The following S100A1 variants were observed in gnomAD, a reference collection of about 807,000 sequenced individuals.
S100A1 encodes S100 calcium binding protein A1.
Under a neutral mutation model 7.6 loss-of-function variants are expected in S100A1, and 3 were observed. The observed-to-expected ratio is 0.40, with a 90% confidence interval of 0.18 to 1.02. The LOEUF (loss-of-function observed/expected upper bound fraction) is 1.02. Ranked by LOEUF, S100A1 falls within the 50% of genes least tolerant of loss-of-function variation. The pLI is 0.35. For missense variants in S100A1, 126 were observed against 115.0 expected (o/e 1.10, Z -0.44); for synonymous variants, 49 against 49.0 (o/e 1.00, Z 0.00).
intron 1 of S100A1, chr1:153,628,763 C>T (rs2101623733): frequency 2.0e-6 from 1 of 510,570 alleles, no homozygotes; most frequent in Non-Finnish European, 3.3e-6. Context: ...AGCTTCCTGA[C>T]CGCCTGGCCC....
In S100A1 at chr1:153,631,944, C is replaced by T. The variant is rs115942380; in HGVS notation, c.*103C>T. ...CACTTATCCCTCTCCATAACCCCAC[C>T]CTTGCCCACCCCACCCCCACCCCCA... On this transcript the variant is annotated 3_prime_UTR_variant, in exon 3 of 3. Coordinates refer to ENST00000292169, the MANE Select transcript of S100A1 (RefSeq NM_006271.2). 640 of 1,359,452 alleles carry T rather than the reference C, an allele frequency of 4.7e-4. 4 individuals carry two copies. In the African/African-American group the frequency reaches 8.7e-3, roughly 18 times the overall value. The allele number at this position is 1,359,452 out of a possible 1,614,324, so 84.2% of individuals were successfully genotyped here.
chr1:153,630,640 C>T lies in S100A1; in HGVS notation c.119C>T (p.Thr40Met), dbSNP rs367888712. The change falls in exon 2 of 3, where the codon ACG becomes ATG. Residue 40 changes from threonine (T) to methionine (M), a missense_variant. Physicochemically the swap from Thr to Met is moderately conservative, Grantham distance 81. Coordinates refer to ENST00000292169, the MANE Select transcript of S100A1 (RefSeq NM_006271.2). ...AAGGAGCTGAAAGAGCTGCTGCAGA[C>T]GGAGCTCTCTGGCTTCCTGGATGTG... ...SKKELKELLQTELSGFLDAQK... is the reference protein window; with the variant it reads ...SKKELKELLQMELSGFLDAQK... 3.5e-5 allele frequency: 57 copies of T among 1,614,068 alleles called. No homozygotes were observed. Among genetic ancestry groups the T allele is most frequent in the African/African-American group, 1.3e-4 (10 of 74,954 alleles).
At position 153,631,735 on chromosome 1, in the gene S100A1, A is replaced by G. The variant is rs896317257; in HGVS notation, c.179A>G (p.Lys60Arg). ...GTGGATGCTGTGGACAAGGTGATGA[A>G]GGAGCTAGACGAGAATGGAGACGGG... ...KDVDAVDKVM[K>R]ELDENGDGEV... The change falls in exon 3 of 3, where the codon AAG becomes AGG. Residue 60 changes from lysine to arginine, a missense_variant. Transcript: ENST00000292169. 1 of 1,614,188 alleles carries G rather than the reference A, an allele frequency of 6.2e-7. No individual in the cohort carries two copies. The highest frequency in any genetic ancestry group is 1.1e-5 in the South Asian group (1 of 91,088).
chr1:153,631,376 AAAT>A, intron 2 of S100A1: 1 of 1,298,252 alleles, frequency 7.7e-7, no homozygotes, highest in Non-Finnish European at 1.1e-6. Context: ...TCTAGAATGG[AAAT>A]AATGAAACAT....
At chr1:153,631,138 G>A (rs1271405327) in intron 2 of S100A1, 5 of 318,132 alleles carry the variant, frequency 1.6e-5, no homozygotes, top group Non-Finnish European at 2.3e-5. Flanking sequence ...ATGGGAGAAA[G>A]AAGAATGTGG....
At chr1:153,628,869 TAAG>T (rs1667836840) in intron 1 of S100A1, 1 of 245,692 alleles carries the variant, frequency 4.1e-6, no homozygotes, top group Admixed American at 4.8e-5. Flanking sequence ...TCCTGTGGGG[TAAG>T]AAGAGAGCAG....
chr1:153,629,781 C>G (rs902359612), intron 1 of S100A1: 1 of 152,432 alleles, frequency 6.6e-6, no homozygotes, highest in African/African-American at 2.4e-5. Context: ...TCAGACATTC[C>G]TCTCTCCCCT....
rs1471826219 is a variant in S100A1, at chr1:153,630,630, C to T, written c.109C>T (p.Leu37=). Residue 37 remains leucine (L), a synonymous_variant, in exon 2 of 3, where the codon CTG becomes TTG. Coordinates refer to ENST00000292169, the MANE Select transcript of S100A1 (RefSeq NM_006271.2). ...YKLSKKELKE[L]LQTELSGFLD... is the part of the protein sequence containing the mutation. ...GCTGAGCAAGAAGGAGCTGAAAGAG[C>T]TGCTGCAGACGGAGCTCTCTGGCTT... The T allele has an allele frequency of 1.2e-6, 2 of 1,614,108 alleles. No individual in the cohort carries two copies. Among genetic ancestry groups the T allele is most frequent in the Admixed American group, 1.7e-5 (1 of 60,012 alleles).
Position 153,631,798 on chromosome 1 carries a change from C to T in S100A1, c.242C>T (p.Ala81Val), listed in dbSNP as rs753492129. The change falls in exon 3 of 3, where the codon GCT (alanine) becomes GTT (valine). Residue 81 changes from alanine to valine, a missense_variant. Transcript: ENST00000292169. ...CAGGAGTATGTGGTGCTTGTGGCTG[C>T]TCTCACAGTGGCCTGTAACAATTTC... ...DFQEYVVLVA[A>V]LTVACNNFFW... The T allele has an allele frequency of 5.6e-6, 9 of 1,614,190 alleles. No homozygotes were observed. The Admixed American group carries it at 1.5e-4, about 27-fold the overall frequency.
chr1:153,630,063 C>T (rs1361849365), intron 1 of S100A1: 1 of 187,122 alleles, frequency 5.3e-6, no homozygotes, highest in Non-Finnish European at 1.1e-5. Context: ...GTAGTGGACA[C>T]CCCAGCCCAC....
In S100A1 at chr1:153,631,833, A is replaced by G; in HGVS notation, c.277A>G (p.Asn93Asp). ...TVACNNFFWENS is the reference protein window; with the variant it reads ...TVACNNFFWEDS ...GGCCTGTAACAATTTCTTCTGGGAG[A>G]ACAGTTGAGCAGACAGCCACATTGG... The change falls in exon 3 of 3, where the codon AAC becomes GAC. Residue 93 changes from asparagine (N) to aspartate (D), a missense_variant. By Grantham distance (23) the Asn-to-Asp change is conservative (BLOSUM62 1). Transcript: ENST00000292169. The G allele has an allele frequency of 6.2e-7, 1 of 1,613,566 alleles. No homozygotes were observed. Among genetic ancestry groups the G allele is most frequent in the Non-Finnish European group, 8.5e-7 (1 of 1,179,952 alleles).
chr1:153,630,032 G>A (rs1013116022), intron 1 of S100A1: 11 of 166,596 alleles, frequency 6.6e-5, no homozygotes, highest in Admixed American at 3.2e-4. Context: ...CTTGCTAGGG[G>A]TGGGCAGCAG....
At chr1:153,628,706 G>T (rs1055731458) in intron 1 of S100A1, 1 of 855,278 alleles carries the variant, frequency 1.2e-6, no homozygotes, top group Non-Finnish European at 1.7e-6. Flanking sequence ...GTCGGAGAGA[G>T]AGCTGGCAGC....
rs780897484 is a variant in S100A1, at chr1:153,630,679, G to A, written c.141+17G>A. 3.1e-6 allele frequency: 5 copies of A among 1,613,248 alleles called. No homozygotes were observed. The Admixed American group carries it at 8.3e-5, about 27-fold the overall frequency. On this transcript the variant is annotated intron_variant, in intron 2 of 2. Transcript: ENST00000292169. Reference sequence around the variant, plus strand: ...TTCCTGGATGTGAGCATAGAGTGGTGGAGTGGGAGTGGAGTGGGTGAAGGT... The same window carrying A: ...TTCCTGGATGTGAGCATAGAGTGGTAGAGTGGGAGTGGAGTGGGTGAAGGT...
intron 2 of S100A1, 66 bp downstream of exon 2, chr1:153,630,728 C>A: frequency 6.4e-7 from 1 of 1,554,074 alleles, no homozygotes; most frequent in Non-Finnish European, 8.8e-7. Flanking sequence ...TGGACACCCC[C>A]TTGCTATCTC....
chr1:153,628,632 G>C, intron 1 of S100A1, 136 bp downstream of exon 1: 1 of 1,399,138 alleles, frequency 7.1e-7, no homozygotes, highest in Non-Finnish European at 9.5e-7. Context: ...TCAGGGTGAG[G>C]GCAGTTTGGG....
chr1:153,631,009 A>C (rs553419481), intron 2 of S100A1: 1 of 339,446 alleles, frequency 2.9e-6, no homozygotes, highest in African/African-American at 2.1e-5. Context: ...GAGATTATTA[A>C]CCTGATTGAA....
rs138119883 is a variant in S100A1, at chr1:153,628,856, G to A, written c.-14+360G>A. Reference sequence around the variant, plus strand: ...AAGGGTCCCAGCCCTCCCCTGCCTCGCCTCCTGTGGGGTAAGAAGAGAGCA... The same window carrying A: ...AAGGGTCCCAGCCCTCCCCTGCCTCACCTCCTGTGGGGTAAGAAGAGAGCA... On this transcript the variant is annotated intron_variant, in intron 1 of 2. Transcript: ENST00000292169. 3.2e-4 allele frequency: 86 copies of A among 271,764 alleles called. No homozygotes were observed. The East Asian group carries it at 3.5e-3, about 11-fold the overall frequency. The allele number at this position is 271,764 out of a possible 1,614,324, so 16.8% of individuals were successfully genotyped here.
At position 153,631,909 on chromosome 1, in the gene S100A1, C is replaced by T; in HGVS notation, c.*68C>T. 3 of 1,565,768 alleles carry T rather than the reference C, an allele frequency of 1.9e-6. No individual in the cohort carries two copies. The highest frequency in any genetic ancestry group is 2.6e-6 in the Non-Finnish European group (3 of 1,155,160). The stretch of plus-strand genomic sequence containing the variant: ...CAGACCTGCCTCTTCCCCCTGCTTC[C>T]ACCTCACCCCACTTATCCCTCTCCA... On this transcript the variant is annotated 3_prime_UTR_variant, in exon 3 of 3. Transcript: ENST00000292169.
Sources: allele counts gnomAD v4.1 joint callset, GRCh38; gene constraint gnomAD v4.1.1; transcripts MANE v1.5; gene names NCBI Gene and HGNC (gene_info 2026-07-23, HGNC 2026-07-21).